The following FBLN1 variants were observed in gnomAD, a reference collection of about 807,000 sequenced individuals.
FBLN1 encodes the protein fibulin-1.
A neutral mutation model predicts 89.7 loss-of-function variants in FBLN1; 34 were observed. The observed-to-expected ratio is 0.38, with a 90% confidence interval of 0.29 to 0.50. FBLN1 has a LOEUF of 0.50. Ranked by LOEUF, FBLN1 falls within the 20% of genes least tolerant of loss-of-function variation. The pLI is 0.92. For synonymous variants in FBLN1, 393 were observed against 391.3 expected (o/e 1.00, Z -0.05); for missense variants, 777 against 988.1 (o/e 0.79, Z 2.86).
At chr22:45,585,441 G>C (rs971066773) in intron 16 of FBLN1, among the ~76,000 whole-genome samples, 1 of 152,234 alleles carries the variant, frequency 6.6e-6, no homozygotes, top group Non-Finnish European at 1.5e-5. Context: ...TGGAGAGTTT[G>C]GCCCGGGATC....
At chr22:45,547,396 T>G (rs1443919190) in intron 12 of FBLN1, among the ~76,000 whole-genome samples, 192 bp downstream of exon 12, 1 of 139,126 alleles carries the variant, frequency 7.2e-6, no homozygotes, top group South Asian at 2.5e-4. Flanking sequence ...GTTTTTTTTT[T>G]TTTTTTTTTT....
chr22:45,565,117 A>G (rs753031275), intron 14 of FBLN1: 1 of 1,589,276 alleles, frequency 6.3e-7, no homozygotes, highest in South Asian at 1.1e-5. Flanking sequence ...CCTCTCTCTG[A>G]TCATGCCAGG....
Position 45,577,610 on chromosome 22 carries a change from G to A in FBLN1, c.1972+502G>A, listed in dbSNP as rs1327592017. ...CGCCATGTGGCCTTGAGCAGTAGTCGTCCCCTCCCTACGCATCAGTTGGTA... is the reference window on the plus strand; with the variant it reads ...CGCCATGTGGCCTTGAGCAGTAGTCATCCCCTCCCTACGCATCAGTTGGTA... On this transcript the variant is annotated intron_variant, in intron 16 of 16. Transcript: ENST00000327858. The surrounding 1 kb of genome is among the most constrained non-coding windows in gnomAD (Gnocchi z 6.6). Among the ~76,000 whole-genome samples the A allele has an allele frequency of 1.3e-5, 2 of 152,196 alleles. No individual in the cohort carries two copies. Among genetic ancestry groups the A allele is most frequent in the South Asian group, 2.1e-4 (1 of 4,830 alleles).
In FBLN1 at chr22:45,590,079, T is replaced by TA. The variant is rs2089123158; in HGVS notation, c.1973-10226dup. 6.6e-6 allele frequency among the ~76,000 whole-genome samples: 1 copy of TA among 152,174 alleles called. No homozygotes were observed. The highest frequency in any genetic ancestry group is 2.1e-4 in the South Asian group (1 of 4,830). On this transcript the variant is annotated intron_variant, in intron 16 of 16. Coordinates refer to ENST00000327858, the MANE Select transcript of FBLN1 (RefSeq NM_006486.3). This position sits in a 1 kb window ranked among gnomAD's most constrained non-coding sequence, Gnocchi z 4.1. ...CCAGACCAGGGCCAGGTGATGTTGG[T>TA]AACCCCAGCACCCAGCACTGCAGCC... is the stretch of plus-strand genomic sequence containing the variant.
intron 8 of FBLN1, 80 bp downstream of exon 8, chr22:45,535,417 T>C: frequency 1.9e-6 from 3 of 1,560,876 alleles, no homozygotes; most frequent in Non-Finnish European, 2.6e-6. Context: ...CTCTAGAATC[T>C]GCGGGGCCGC....
At position 45,575,176 on chromosome 22, in the gene FBLN1, T is replaced by C. The variant is rs1490711042; in HGVS notation, c.1840+523T>C. ...CATTCTCAGCTTTCCGTTCAGGTGG[T>C]CTTTTCTTATGGGTAACGGTTGTTC... On this transcript the variant is annotated intron_variant, in intron 15 of 16. Transcript: ENST00000327858. This position sits in a 1 kb window ranked among gnomAD's most constrained non-coding sequence, Gnocchi z 6.3. Among the ~76,000 whole-genome samples, 3 of 152,046 alleles carry C rather than the reference T, an allele frequency of 2.0e-5. No individual in the cohort carries two copies. The East Asian group carries it at 5.8e-4, about 29-fold the overall frequency.
intron 14 of FBLN1, chr22:45,564,809 C>T: frequency 1.3e-6 from 2 of 1,581,686 alleles, no homozygotes; most frequent in Admixed American, 3.5e-5. Flanking sequence ...GTTCAGGGAA[C>T]AGATGACTCT....
intron 9 of FBLN1, among the ~76,000 whole-genome samples, chr22:45,541,929 T>A (rs1287219400): frequency 6.6e-6 from 1 of 152,220 alleles, no homozygotes; most frequent in African/African-American, 2.4e-5. Flanking sequence ...ACTTCCTACC[T>A]TAATGAGAGT....
rs1373067291 is a variant in FBLN1 at position 45,579,268 on chromosome 22, C to T, written c.1972+2160C>T. Among the ~76,000 whole-genome samples, 1 of 152,260 alleles carries T rather than the reference C, an allele frequency of 6.6e-6. No individual in the cohort carries two copies. Among genetic ancestry groups the T allele is most frequent in the East Asian group, 1.9e-4 (1 of 5,202 alleles). On this transcript the variant is annotated intron_variant, in intron 16 of 16. Coordinates refer to ENST00000327858, the MANE Select transcript of FBLN1 (RefSeq NM_006486.3). The surrounding 1 kb of genome is among the most constrained non-coding windows in gnomAD (Gnocchi z 5.5). Reference sequence around the variant, plus strand: ...GAGCCTGGAGGCTCCTAGAGACCATCCCTTCCTTCTTCCGTAGGAGGGGAA... The same window carrying T: ...GAGCCTGGAGGCTCCTAGAGACCATTCCTTCCTTCTTCCGTAGGAGGGGAA...
chr22:45,561,067 G>A lies in FBLN1; in HGVS notation c.1697+10452G>A, dbSNP rs2088845494. On this transcript the variant is annotated intron_variant, in intron 14 of 16. Coordinates refer to ENST00000327858, the MANE Select transcript of FBLN1 (RefSeq NM_006486.3). This position sits in a 1 kb window ranked among gnomAD's most constrained non-coding sequence, Gnocchi z 4.7. Reference sequence around the variant, plus strand: ...ATTCATCAGAGTTTATAAACTCAGTGTCCCCAGCTTCATCAGGCTCCTCCC... The same window carrying A: ...ATTCATCAGAGTTTATAAACTCAGTATCCCCAGCTTCATCAGGCTCCTCCC... 1.3e-5 allele frequency among the ~76,000 whole-genome samples: 2 copies of A among 152,212 alleles called. No individual in the cohort carries two copies. Among genetic ancestry groups the A allele is most frequent in the Non-Finnish European group, 2.9e-5 (2 of 68,036 alleles).
chr22:45,570,285 C>T (rs1441398915), intron 14 of FBLN1, among the ~76,000 whole-genome samples: 1 of 136,594 alleles, frequency 7.3e-6, no homozygotes, highest in East Asian at 2.1e-4. Flanking sequence ...GTGCCATTGC[C>T]CTCTGGCCTG....
intron 11 of FBLN1, among the ~76,000 whole-genome samples, chr22:45,544,162 C>T (rs1296593803): frequency 3.9e-5 from 6 of 152,100 alleles, no homozygotes; most frequent in African/African-American, 7.2e-5. Context: ...TCTCGGCTCA[C>T]TGCAACCTCC....
chr22:45,568,673 GCCTCTTCTGTAGGGGAA>G (rs1569260315), intron 14 of FBLN1, among the ~76,000 whole-genome samples: 8 of 81,874 alleles, frequency 9.8e-5, no homozygotes, highest in African/African-American at 4.8e-4. Flanking sequence ...GTAGGGGAAT[GCCTCTTCTGTAGGGGAA>G]TGCTCCTTCT....
chr22:45,587,022 G>A (rs2089093001), intron 16 of FBLN1, among the ~76,000 whole-genome samples: 1 of 152,160 alleles, frequency 6.6e-6, no homozygotes, highest in African/African-American at 2.4e-5. Context: ...TGCGAGGCAT[G>A]TGGGCTGCTT....
Position 45,577,040 on chromosome 22 carries a change from A to G in FBLN1, c.1904A>G (p.Asp635Gly). The G allele has an allele frequency of 6.2e-7, 1 of 1,614,124 alleles. No homozygotes were observed. Among genetic ancestry groups the G allele is most frequent in the Non-Finnish European group, 8.5e-7 (1 of 1,180,036 alleles). Residue 635 changes from aspartate (D) to glycine (G), a missense_variant, in exon 16 of 17, where the codon GAC becomes GGC. Physicochemically the swap from Asp to Gly is moderately conservative, Grantham distance 94. Transcript: ENST00000327858. The surrounding 1 kb of genome is among the most constrained non-coding windows in gnomAD (Gnocchi z 6.6). ...HPASQANIIF[D>G]ITEGNLRDSF... Reference sequence around the variant, plus strand: ...GCCAGCCAGGCTAACATCATCTTCGACATCACGGAAGGGAACCTGCGGGAC... The same window carrying G: ...GCCAGCCAGGCTAACATCATCTTCGGCATCACGGAAGGGAACCTGCGGGAC...
intron 2 of FBLN1, among the ~76,000 whole-genome samples, 185 bp downstream of exon 2, chr22:45,518,972 C>G (rs942840802): frequency 1.1e-4 from 17 of 152,170 alleles, no homozygotes; most frequent in Admixed American, 9.8e-4. Flanking sequence ...TGGCACCGGG[C>G]CTTGGCTCAC....
chr22:45,554,631 A>T (rs920197710), intron 14 of FBLN1, among the ~76,000 whole-genome samples: 1 of 152,248 alleles, frequency 6.6e-6, no homozygotes, highest in African/African-American at 2.4e-5. Context: ...AGCACGAGAC[A>T]TGGAAACTTA....
In FBLN1 at chr22:45,530,717, T is replaced by G. The variant is rs2088393762; in HGVS notation, c.485-548T>G. 1.3e-5 allele frequency among the ~76,000 whole-genome samples: 2 copies of G among 152,158 alleles called. No individual in the cohort carries two copies. The highest frequency in any genetic ancestry group is 1.3e-4 in the Admixed American group (2 of 15,272). ...TGGACTATGGGAATATCACCCAGCA[T>G]GAAGTCAATGATTACAGGCCTTTGT... On this transcript the variant is annotated intron_variant, in intron 4 of 16. Coordinates refer to ENST00000327858, the MANE Select transcript of FBLN1 (RefSeq NM_006486.3). The surrounding 1 kb of genome is among the most constrained non-coding windows in gnomAD (Gnocchi z 5.4).
intron 3 of FBLN1, among the ~76,000 whole-genome samples, chr22:45,526,381 A>C (rs970893219): frequency 6.6e-6 from 1 of 152,174 alleles, no homozygotes; most frequent in Admixed American, 6.5e-5. Flanking sequence ...AGCATTGCCT[A>C]CAGGCAGTAA....
Sources: allele counts gnomAD v4.1 joint callset (sites outside exome capture counted in the v4.1 genomes callset), GRCh38; gene constraint gnomAD v4.1.1; non-coding constraint Gnocchi (gnomAD v3.1); transcripts MANE v1.5; gene names NCBI Gene and HGNC (gene_info 2026-07-23, HGNC 2026-07-21).